FAM149A: variants seen among roughly 807,000 people sequenced by gnomAD.
FAM149A encodes protein FAM149A.
Under a neutral mutation model 78.2 loss-of-function variants are expected in FAM149A, and 71 were observed. That is an observed-to-expected ratio of 0.91 (90% CI 0.75 to 1.11). FAM149A has a LOEUF of 1.11. Ranked by LOEUF, FAM149A falls within the 50% of genes least tolerant of loss-of-function variation. The pLI, the probability that FAM149A is intolerant of heterozygous loss-of-function variation, is 0.00. For missense variants in FAM149A, 1,036 were observed against 971.0 expected (o/e 1.07, Z -0.89); for synonymous variants, 446 against 410.5 (o/e 1.09, Z -1.04).
rs1426755115 is a variant in FAM149A, at chr4:186,144,748, C to A, written c.567-4425C>A. 2.3e-6 allele frequency: 2 copies of A among 864,826 alleles called. No homozygotes were observed. Among genetic ancestry groups the A allele is most frequent in the African/African-American group, 4.3e-5 (2 of 46,742 alleles). 53.6% of individuals were successfully genotyped at this position (864,826 alleles called of 1,614,324 possible). A position where few individuals can be genotyped will look rare whatever the true frequency, so the allele number is the denominator to read the frequency against. ...CGGGGCCGGGGCCGGGGCCGGGGCC[C>A]GGAGCGGGGATGGGCGGGCGCAGCC... On this transcript the variant is annotated intron_variant, in intron 1 of 13. Transcript: ENST00000389354. This position sits in a 1 kb window ranked among gnomAD's most constrained non-coding sequence, Gnocchi z 4.2.
chr4:186,105,211 C>A lies in FAM149A; in HGVS notation c.135C>A (p.Gly45=), dbSNP rs907541323. 1 of 1,269,180 alleles carries A rather than the reference C, an allele frequency of 7.9e-7. No individual in the cohort carries two copies. Among genetic ancestry groups the A allele is most frequent in the Non-Finnish European group, 1.0e-6 (1 of 980,370 alleles). 78.6% of individuals were successfully genotyped at this position (1,269,180 alleles called of 1,614,324 possible). ...CAGGGTCGGGGGGCTCCAGGGCGGG[C>A]ACCCCGTTGGGTACCGCCCCGACCC... Residue 45 remains glycine, a synonymous_variant, in exon 1 of 14, where the codon GGC becomes GGA. Transcript: ENST00000389354.
intron 8 of FAM149A, chr4:186,158,533 G>A: frequency 5.3e-6 from 5 of 951,842 alleles, no homozygotes; most frequent in Non-Finnish European, 4.9e-6. Context: ...GCCTGCTGCT[G>A]ATGCAGCTGT....
At chr4:186,123,714 C>G in intron 1 of FAM149A, 3 of 450,534 alleles carry the variant, frequency 6.7e-6, no homozygotes, top group Non-Finnish European at 8.8e-6. Flanking sequence ...GAAAGTCTTT[C>G]ATCTCTGGTC....
intron 1 of FAM149A, among the ~76,000 whole-genome samples, chr4:186,106,470 A>G (rs1056557791): frequency 6.6e-6 from 1 of 152,230 alleles, no homozygotes; most frequent in Admixed American, 6.5e-5. Flanking sequence ...CTGCAAAGAA[A>G]TAGTGAAATG....
At chr4:186,136,896 C>T (rs1335313202) in intron 1 of FAM149A, among the ~76,000 whole-genome samples, 3 of 151,608 alleles carry the variant, frequency 2.0e-5, no homozygotes, top group South Asian at 2.1e-4. Flanking sequence ...CAGCAGTGCC[C>T]CCTTCGAAGA....
chr4:186,141,522 ACTTTAAT>A (rs1340637185), intron 1 of FAM149A, among the ~76,000 whole-genome samples: 1 of 152,228 alleles, frequency 6.6e-6, no homozygotes, highest in South Asian at 2.1e-4. Context: ...AGATTTTATC[ACTTTAAT>A]CTTTAAGCAA....
intron 1 of FAM149A, among the ~76,000 whole-genome samples, chr4:186,126,544 G>T (rs1579808306): frequency 6.6e-6 from 1 of 152,170 alleles, no homozygotes; most frequent in East Asian, 1.9e-4. Flanking sequence ...TCTTCTTCTT[G>T]ATCTCGGACA....
chr4:186,147,506 A>C (rs1733150430), intron 1 of FAM149A, among the ~76,000 whole-genome samples: 1 of 152,212 alleles, frequency 6.6e-6, no homozygotes. Context: ...GGAGAGGAAA[A>C]GTTAACTTGC....
intron 3 of FAM149A, among the ~76,000 whole-genome samples, chr4:186,150,387 TGCTTGC>T (rs796986857): frequency 1.5e-4 from 6 of 39,414 alleles, no homozygotes; most frequent in South Asian, 1.9e-3. Context: ...GTTTTTTGCT[TGCTTGC>T]TTTCTCTCTC....
At chr4:186,136,923 A>G (rs2099322972) in intron 1 of FAM149A, among the ~76,000 whole-genome samples, 1 of 134,782 alleles carries the variant, frequency 7.4e-6, no homozygotes, top group Admixed American at 7.6e-5. Flanking sequence ...GTGAAGCTCA[A>G]ATACACTGAT....
rs1428173243 is a variant in FAM149A, at chr4:186,163,439, C to T, written c.1695C>T (p.Asp565=). 1.2e-6 allele frequency: 2 copies of T among 1,613,550 alleles called. No homozygotes were observed. The highest frequency in any genetic ancestry group is 1.7e-6 in the Non-Finnish European group (2 of 1,179,914). The stretch of plus-strand genomic sequence containing the variant: ...TCCTTCCCAGGAATGAGAAGGAGGA[C>T]AAAGCATCGGGTGGAGGGGCAGGTG... Residue 565 remains aspartate, a synonymous_variant, in exon 10 of 14, where the codon GAC becomes GAT. Coordinates refer to ENST00000389354, the MANE Select transcript of FAM149A (RefSeq NM_001367768.3).
chr4:186,124,026 A>G, intron 1 of FAM149A: 11 of 985,066 alleles, frequency 1.1e-5, no homozygotes, highest in Non-Finnish European at 1.3e-5. Flanking sequence ...CACACAGACA[A>G]TGAGAAACTT....
chr4:186,145,274 G>A (rs1732941695), intron 1 of FAM149A, among the ~76,000 whole-genome samples: 1 of 152,124 alleles, frequency 6.6e-6, no homozygotes, highest in South Asian at 2.1e-4. Context: ...GGAAGCGTTC[G>A]CCGCCAAAGG....
At chr4:186,131,961 GA>G in intron 1 of FAM149A, 3 of 985,358 alleles carry the variant, frequency 3.0e-6, no homozygotes, top group Non-Finnish European at 3.6e-6. Flanking sequence ...TAATTGTTGG[GA>G]AAAAATTCTT....
intron 1 of FAM149A, chr4:186,123,772 A>C: frequency 1.2e-5 from 11 of 909,288 alleles, no homozygotes; most frequent in Non-Finnish European, 1.4e-5. Flanking sequence ...GTGACAAACT[A>C]ATGTGCTGGC....
At chr4:186,161,936 A>G (rs534273661) in intron 8 of FAM149A, among the ~76,000 whole-genome samples, 15 of 152,344 alleles carry the variant, frequency 9.8e-5, no homozygotes, top group Admixed American at 5.9e-4. Flanking sequence ...GTTCTGGGAT[A>G]CATGTGCAGA....
intron 13 of FAM149A, chr4:186,169,987 T>A (rs184779347): frequency 1.1e-6 from 1 of 936,882 alleles, no homozygotes; most frequent in African/African-American, 1.8e-5. Context: ...TCCTTAACCA[T>A]TTTTTTAATG....
rs1318032267 is a variant in FAM149A at position 186,153,736 on chromosome 4, C to T, written c.1024C>T (p.Leu342Phe). Residue 342 changes from leucine (L) to phenylalanine (F), a missense_variant, in exon 5 of 14, where the codon CTC becomes TTC. Coordinates refer to ENST00000389354, the MANE Select transcript of FAM149A (RefSeq NM_001367768.3). ...TGCCTCCGCAGTCCACAGACCCCCGCTCAGTGCCTGCGGACACAGCAGCAA... is the reference window on the plus strand; with the variant it reads ...TGCCTCCGCAGTCCACAGACCCCCGTTCAGTGCCTGCGGACACAGCAGCAA... 3 of 1,613,698 alleles carry T rather than the reference C, an allele frequency of 1.9e-6. No homozygotes were observed. The African/African-American group carries it at 4.0e-5, about 22-fold the overall frequency.
Position 186,151,929 on chromosome 4 carries a change from A to G in FAM149A, c.816A>G (p.Ser272=), listed in dbSNP as rs761984162. ...AATTTGACGAAGCCAGTTCACAGTC[A>G]GTGCAGCGGTTACTCTGGGAGGTGG... is the stretch of plus-strand genomic sequence containing the variant. The change falls in exon 4 of 14, where the codon TCA becomes TCG. Residue 272 remains serine, a synonymous_variant. Transcript: ENST00000389354. 2 of 1,614,174 alleles carry G rather than the reference A, an allele frequency of 1.2e-6. No homozygotes were observed. The highest frequency in any genetic ancestry group is 2.7e-5 in the African/African-American group (2 of 75,060).
Sources: allele counts gnomAD v4.1 joint callset (sites outside exome capture counted in the v4.1 genomes callset), GRCh38; gene constraint gnomAD v4.1.1; non-coding constraint Gnocchi (gnomAD v3.1); transcripts MANE v1.5; gene names NCBI Gene and HGNC (gene_info 2026-07-23, HGNC 2026-07-21).